L3MBTL4: variants seen among roughly 807,000 people sequenced by gnomAD.
The protein encoded by L3MBTL4 is L3MBTL histone methyl-lysine binding protein 4.
Under a neutral mutation model 84.5 loss-of-function variants are expected in L3MBTL4, and 70 were observed. The observed-to-expected ratio is 0.83, with a 90% CI of 0.68 to 1.01. L3MBTL4 has a LOEUF of 1.01. L3MBTL4 is among the 50% of genes least tolerant of loss of function. The pLI is 0.00. For synonymous variants in L3MBTL4, 274 were observed against 259.8 expected (o/e 1.05, Z -0.52); for missense variants, 715 against 754.8 (o/e 0.95, Z 0.62).
At chr18:6,043,638 C>G (rs577347009) in intron 16 of L3MBTL4, among the ~76,000 whole-genome samples, 17 of 152,170 alleles carry the variant, frequency 1.1e-4, no homozygotes, top group Non-Finnish European at 2.4e-4. Flanking sequence ...TACGGTCAAT[C>G]GATTAATCTA....
chr18:6,308,926 A>G (rs1434547334), intron 3 of L3MBTL4, among the ~76,000 whole-genome samples: 1 of 146,658 alleles, frequency 6.8e-6, no homozygotes, highest in Non-Finnish European at 1.5e-5. Context: ...TCTGAAAAGC[A>G]TAAGAAAATA....
intron 1 of L3MBTL4, among the ~76,000 whole-genome samples, chr18:6,393,841 C>T (rs1440928315): frequency 6.6e-6 from 1 of 152,176 alleles, no homozygotes; most frequent in Non-Finnish European, 1.5e-5. Context: ...CCTGTCAACC[C>T]TCTGCCTGAC....
At chr18:6,162,132 C>A (rs760679771) in intron 13 of L3MBTL4, among the ~76,000 whole-genome samples, 22 of 151,948 alleles carry the variant, frequency 1.4e-4, no homozygotes, top group Non-Finnish European at 2.8e-4. Context: ...TTCTTTTGAT[C>A]ATTCTTTTTT....
intron 1 of L3MBTL4, among the ~76,000 whole-genome samples, chr18:6,375,897 G>T (rs746539309): frequency 1.1e-4 from 17 of 152,156 alleles, no homozygotes; most frequent in Non-Finnish European, 1.6e-4. Context: ...AAACTCAGGC[G>T]AGGGCACTAG....
chr18:6,020,978 A>G (rs1442701982), intron 16 of L3MBTL4, among the ~76,000 whole-genome samples: 2 of 152,186 alleles, frequency 1.3e-5, no homozygotes. Context: ...ATAATATTTG[A>G]AGTCGGATAG....
intron 14 of L3MBTL4, among the ~76,000 whole-genome samples, chr18:6,095,333 G>A (rs1441688443): frequency 1.3e-5 from 2 of 149,446 alleles, no homozygotes; most frequent in Non-Finnish European, 3.0e-5. Flanking sequence ...TCAGGCTGAA[G>A]AAGGGGAACA....
intron 5 of L3MBTL4, among the ~76,000 whole-genome samples, chr18:6,247,466 A>ATT (rs71163266): frequency 0.019 from 935 of 49,642 alleles, 217 homozygotes; most frequent in African/African-American, 0.064. Context: ...CCCTCCTCTG[A>ATT]TTTTTTTTTT....
rs374415033 is a variant in L3MBTL4 at position 6,119,322 on chromosome 18, G to A, written c.1199+18872C>T. 1.9e-3 allele frequency among the ~76,000 whole-genome samples: 282 copies of A among 152,202 alleles called. 1 individual carries two copies. Among genetic ancestry groups the A allele is most frequent in the African/African-American group, 6.6e-3 (273 of 41,536 alleles). On this transcript the variant is annotated intron_variant, in intron 14 of 18. Transcript: ENST00000317931. ...AGGAACCATGAAAATGCAAACAGCC[G>A]AACAATTGCAGATGGCACCTAAATG...
intron 16 of L3MBTL4, among the ~76,000 whole-genome samples, chr18:6,006,841 A>T (rs2054510939): frequency 6.6e-6 from 1 of 152,240 alleles, no homozygotes; most frequent in South Asian, 2.1e-4. Flanking sequence ...ATCTCAAGTT[A>T]GTAAGGAAAT....
At chr18:6,027,015 T>TTTTG (rs936579521) in intron 16 of L3MBTL4, among the ~76,000 whole-genome samples, 2 of 152,100 alleles carry the variant, frequency 1.3e-5, no homozygotes, top group South Asian at 2.1e-4. Context: ...ACAGCTGGTG[T>TTTTG]TTTGTTTGTT....
chr18:5,961,256 C>T (rs1451552129), intron 17 of L3MBTL4, among the ~76,000 whole-genome samples: 1 of 152,202 alleles, frequency 6.6e-6, no homozygotes, highest in Non-Finnish European at 1.5e-5. Context: ...GCACAGGCTC[C>T]CTCCAAGCCT....
At chr18:6,110,389 T>TG (rs1318796412) in intron 14 of L3MBTL4, among the ~76,000 whole-genome samples, 1 of 151,962 alleles carries the variant, frequency 6.6e-6, no homozygotes, top group African/African-American at 2.4e-5. Context: ...CATGTATGTG[T>TG]GGGGGCTGCA....
chr18:6,213,101 A>G (rs764921437), intron 12 of L3MBTL4, 48 bp downstream of exon 12: 7 of 1,056,442 alleles, frequency 6.6e-6, no homozygotes, highest in African/African-American at 1.6e-5. Flanking sequence ...AACAAAAGTA[A>G]TGTAGGAAAA....
At chr18:6,099,577 A>G in intron 14 of L3MBTL4, among the ~76,000 whole-genome samples, 1 of 15,798 alleles carries the variant, frequency 6.3e-5, no homozygotes, top group South Asian at 2.9e-3. Context: ...AGATAGATAG[A>G]TAATGTAAAT....
intron 4 of L3MBTL4, among the ~76,000 whole-genome samples, chr18:6,268,802 A>G (rs2048742959): frequency 6.6e-6 from 1 of 152,222 alleles, no homozygotes; most frequent in African/African-American, 2.4e-5. Context: ...TATACCAGGT[A>G]CTGATTGGGA....
chr18:6,158,482 A>G (rs1211263345), intron 13 of L3MBTL4, among the ~76,000 whole-genome samples: 1 of 152,140 alleles, frequency 6.6e-6, no homozygotes, highest in Admixed American at 6.6e-5. Context: ...ACCAATTGAG[A>G]GAAAGGAATA....
intron 5 of L3MBTL4, 116 bp downstream of exon 5, chr18:6,263,831 C>T (rs2048512599): frequency 2.5e-6 from 2 of 792,470 alleles, no homozygotes; most frequent in Admixed American, 2.1e-5. Flanking sequence ...CATTTTCCAG[C>T]AGAGCCTACA....
At chr18:6,072,900 A>G in intron 16 of L3MBTL4, among the ~76,000 whole-genome samples, 1 of 98,564 alleles carries the variant, frequency 1.0e-5, no homozygotes, top group Non-Finnish European at 2.0e-5. Flanking sequence ...ATATATATAT[A>G]TATATATATA....
chr18:6,061,593 T>G (rs2057222734), intron 16 of L3MBTL4, among the ~76,000 whole-genome samples: 1 of 152,010 alleles, frequency 6.6e-6, no homozygotes, highest in Non-Finnish European at 1.5e-5. Context: ...CTTTGTTATC[T>G]TCTAGAAATT....
Sources: allele counts gnomAD v4.1 joint callset (sites outside exome capture counted in the v4.1 genomes callset), GRCh38; gene constraint gnomAD v4.1.1; transcripts MANE v1.5; gene names NCBI Gene and HGNC (gene_info 2026-07-23, HGNC 2026-07-21).